The following HMCN1 variants were observed in gnomAD, a reference collection of about 807,000 sequenced individuals.
HMCN1 encodes hemicentin 1, also known as hemicentin-1.
In HMCN1, 321 loss-of-function variants were observed where a neutral mutation model predicts 625.9. The observed-to-expected ratio is 0.51, with a 90% confidence interval of 0.47 to 0.56. The LOEUF (loss-of-function observed/expected upper bound fraction) is 0.56. Ranked by LOEUF, HMCN1 falls within the 20% of genes least tolerant of loss-of-function variation. The pLI is 0.00. For missense variants in HMCN1, 6,588 were observed against 6,887.3 expected, an observed-to-expected ratio of 0.96 and a Z score of 1.54; for synonymous variants, 2,425 against 2,417.6, an observed-to-expected ratio of 1.00 and a Z score of -0.09.
At chr1:185,756,075 G>A (rs879945522) in intron 1 of HMCN1, among the ~76,000 whole-genome samples, 1 of 152,012 alleles carries the variant, frequency 6.6e-6, no homozygotes, top group Non-Finnish European at 1.5e-5. Flanking sequence ...TCCACAGGAT[G>A]GACAAAAAGC....
chr1:185,766,214 A>T (rs899527538), intron 1 of HMCN1, among the ~76,000 whole-genome samples: 5 of 152,302 alleles, frequency 3.3e-5, no homozygotes, highest in Admixed American at 3.3e-4. Context: ...AATGTTTTTG[A>T]TGAATACCTG....
At chr1:185,901,899 T>A (rs185384281) in intron 4 of HMCN1, among the ~76,000 whole-genome samples, 5 of 151,918 alleles carry the variant, frequency 3.3e-5, no homozygotes, top group African/African-American at 1.2e-4. Context: ...TTCTAACCTT[T>A]ATATATGCTA....
At chr1:186,014,106 G>A (rs1654185782) in intron 30 of HMCN1, among the ~76,000 whole-genome samples, 1 of 152,062 alleles carries the variant, frequency 6.6e-6, no homozygotes, top group Non-Finnish European at 1.5e-5. Flanking sequence ...ACTTAGCACA[G>A]GTCTCAGTGA....
chr1:186,064,877 A>G (rs1421505019), intron 48 of HMCN1, among the ~76,000 whole-genome samples: 1 of 151,950 alleles, frequency 6.6e-6, no homozygotes, highest in Non-Finnish European at 1.5e-5. Flanking sequence ...ATAAAAATGA[A>G]TGCTGCATTA....
chr1:186,013,951 A>G (rs1654169643), intron 30 of HMCN1, among the ~76,000 whole-genome samples: 1 of 152,196 alleles, frequency 6.6e-6, no homozygotes, highest in African/African-American at 2.4e-5. Context: ...TCATAGAAGT[A>G]GAACATAATT....
At chr1:185,801,271 G>T (rs1296681216) in intron 1 of HMCN1, among the ~76,000 whole-genome samples, 3 of 152,160 alleles carry the variant, frequency 2.0e-5, no homozygotes, top group Non-Finnish European at 4.4e-5. Flanking sequence ...CTAAGATATT[G>T]TCACTTGTGT....
intron 64 of HMCN1, among the ~76,000 whole-genome samples, chr1:186,092,558 G>A (rs1389306335): frequency 2.0e-5 from 3 of 151,862 alleles, no homozygotes; most frequent in Admixed American, 1.3e-4. Context: ...AACCAATAAT[G>A]CAATAATCTT....
intron 103 of HMCN1, among the ~76,000 whole-genome samples, chr1:186,174,945 T>C (rs1370594183): frequency 6.6e-6 from 1 of 152,216 alleles, no homozygotes; most frequent in African/African-American, 2.4e-5. Context: ...GATTATCTCA[T>C]TGATTATATC....
At chr1:186,057,182 A>T in intron 45 of HMCN1, 52 bp from the exon 46 acceptor site, 1 of 1,418,020 alleles carries the variant, frequency 7.1e-7, no homozygotes, top group South Asian at 1.2e-5. Context: ...TATCAAATGT[A>T]TATCAGGCAA....
At chr1:186,033,714 T>C (rs1384285115) in intron 36 of HMCN1, among the ~76,000 whole-genome samples, 1 of 152,206 alleles carries the variant, frequency 6.6e-6, no homozygotes, top group African/African-American at 2.4e-5. Flanking sequence ...AATATCTAGT[T>C]TCTAGGTTTC....
At chr1:185,740,994 AAAAACAAAAACG>A (rs1295285407) in intron 1 of HMCN1, among the ~76,000 whole-genome samples, 1 of 152,162 alleles carries the variant, frequency 6.6e-6, no homozygotes, top group Admixed American at 6.5e-5. Flanking sequence ...ACTCTATCTC[AAAAACAAAAACG>A]AAAACAAAAA....
Position 185,965,923 on chromosome 1 carries a change from T to A in HMCN1, c.2212+8T>A. ...AAGTTAAATGGTTCAAAGGTACATT[T>A]CTTCAATATGTTTGTGTCTGGTTCA... On this transcript the variant is annotated splice_region_variant and intron_variant, in intron 14 of 106. Coordinates refer to ENST00000271588, the MANE Select transcript of HMCN1 (RefSeq NM_031935.3). The A allele has an allele frequency of 3.6e-6, 5 of 1,380,124 alleles. No individual in the cohort carries two copies. Among genetic ancestry groups the A allele is most frequent in the Non-Finnish European group, 5.2e-6 (5 of 966,376 alleles). 85.5% of individuals were successfully genotyped at this position (1,380,124 alleles called of 1,614,324 possible).
rs541458654 is a variant in HMCN1 at position 186,144,423 on chromosome 1, T to C, written c.14095+80T>C. The stretch of plus-strand genomic sequence containing the variant: ...TAGGTAGTATGTCAACAAGAATCTA[T>C]CCCATTCTAACTGTGCCCACAAGAA... On this transcript the variant is annotated intron_variant, in intron 90 of 106. Coordinates refer to ENST00000271588, the MANE Select transcript of HMCN1 (RefSeq NM_031935.3). 1.1e-4 allele frequency: 176 copies of C among 1,600,322 alleles called. 1 individual carries two copies. The East Asian group carries it at 3.8e-3, about 34-fold the overall frequency.
chr1:186,189,298 G>A (rs1410082827), intron 106 of HMCN1, among the ~76,000 whole-genome samples: 2 of 152,168 alleles, frequency 1.3e-5, no homozygotes, highest in Admixed American at 1.3e-4. Context: ...GGAGCTGCAA[G>A]ATACGTATTT....
intron 89 of HMCN1, among the ~76,000 whole-genome samples, chr1:186,139,683 G>A (rs770963151): frequency 1.1e-4 from 17 of 151,210 alleles, no homozygotes; most frequent in Non-Finnish European, 1.6e-4. Context: ...GCATAATGTC[G>A]GTGGTGTCCT....
chr1:185,877,317 C>CTTTTTTT, intron 4 of HMCN1, among the ~76,000 whole-genome samples: 1 of 42,718 alleles, frequency 2.3e-5, no homozygotes, highest in South Asian at 7.8e-4. Context: ...ATCTATGTGT[C>CTTTTTTT]TTTCTTTTTT....
intron 55 of HMCN1, among the ~76,000 whole-genome samples, chr1:186,078,661 A>G (rs1169927383): frequency 6.6e-6 from 1 of 152,190 alleles, no homozygotes; most frequent in Non-Finnish European, 1.5e-5. Context: ...TTCAAATGAA[A>G]GTTTTTTCTC....
intron 89 of HMCN1, among the ~76,000 whole-genome samples, chr1:186,140,633 A>T (rs1273992121): frequency 1.3e-5 from 2 of 152,156 alleles, no homozygotes; most frequent in Non-Finnish European, 2.9e-5. Flanking sequence ...CTCTATAAAC[A>T]TCTTATCAAC....
chr1:185,846,435 C>T (rs761407219), intron 2 of HMCN1, among the ~76,000 whole-genome samples: 5 of 152,080 alleles, frequency 3.3e-5, no homozygotes, highest in Admixed American at 6.6e-5. Flanking sequence ...ATATAAGGAA[C>T]GGTTAATAAT....
Sources: gnomAD v4.1 joint callset for allele counts (sites outside exome capture counted in the v4.1 genomes callset) on GRCh38, gnomAD v4.1.1 for gene constraint, MANE v1.5 for transcripts, NCBI Gene and HGNC (gene_info 2026-07-23, HGNC 2026-07-21) for gene names.